The following DLGAP4 variants were observed in gnomAD, a reference collection of about 807,000 sequenced individuals.
DLGAP4 encodes disks large-associated protein 4.
A neutral mutation model predicts 86.9 loss-of-function variants in DLGAP4; 18 were observed. That is an observed-to-expected ratio of 0.21 (90% CI 0.14 to 0.31). The LOEUF (loss-of-function observed/expected upper bound fraction) is 0.31, where lower values mean the gene tolerates loss of function less well. Ranked by LOEUF, DLGAP4 falls within the 10% of genes least tolerant of loss-of-function variation. The probability of loss-of-function intolerance (pLI) is 1.00; values close to 1 mark genes in which losing one functional copy is unlikely to be tolerated. For synonymous variants in DLGAP4, 548 were observed against 574.3 expected, an observed-to-expected ratio of 0.95 and a Z score of 0.65; for missense variants, 1,085 against 1,362.6, an observed-to-expected ratio of 0.80 and a Z score of 3.21.
intron 7 of DLGAP4, among the ~76,000 whole-genome samples, chr20:36,464,405 C>CA (rs1474522905): frequency 6.6e-6 from 1 of 152,246 alleles, no homozygotes; most frequent in East Asian, 1.9e-4. Context: ...CCAAAAAATA[C>CA]AAAAATTAGC....
At chr20:36,357,140 C>T (rs2030356562) in intron 1 of DLGAP4, among the ~76,000 whole-genome samples, 1 of 152,188 alleles carries the variant, frequency 6.6e-6, no homozygotes, top group African/African-American at 2.4e-5. Flanking sequence ...GCAGGACCCT[C>T]GTGAGCGAGC....
At chr20:36,385,879 A>C (rs564915169) in intron 2 of DLGAP4, among the ~76,000 whole-genome samples, 2 of 152,200 alleles carry the variant, frequency 1.3e-5, no homozygotes, top group South Asian at 4.1e-4. Flanking sequence ...GGCCTAAGAG[A>C]TCTGCCTCCC....
chr20:36,352,117 C>T (rs1367310577), intron 1 of DLGAP4, among the ~76,000 whole-genome samples: 45 of 152,122 alleles, frequency 3.0e-4, no homozygotes, highest in Admixed American at 2.7e-3. Flanking sequence ...GTCCTGGCAG[C>T]GGAAACAGCA....
intron 11 of DLGAP4, among the ~76,000 whole-genome samples, chr20:36,525,228 AAAAAAAAAAAAAAAAAAAAAAAAAAAC>A (rs1487745514): frequency 3.0e-4 from 19 of 63,404 alleles, no homozygotes; most frequent in East Asian, 1.2e-3. Context: ...AAAAAAAAAA[AAAAAAAAAAAAAAAAAAAAAAAAAAAC>A]AAAGAAATCC....
At chr20:36,461,662 C>CCCCCCG in intron 7 of DLGAP4, 16 of 241,796 alleles carry the variant, frequency 6.6e-5, no homozygotes, top group Non-Finnish European at 8.7e-5. Context: ...GGGGCCGCCC[C>CCCCCCG]GCCCGGCCCG....
intron 12 of DLGAP4, among the ~76,000 whole-genome samples, chr20:36,526,466 A>T (rs2037770421): frequency 1.3e-5 from 2 of 151,978 alleles, no homozygotes; most frequent in East Asian, 1.9e-4. Context: ...TAGCCTGTAA[A>T]ATGGGACCTG....
At chr20:36,340,502 G>T (rs1362964382) in intron 1 of DLGAP4, among the ~76,000 whole-genome samples, 3 of 152,138 alleles carry the variant, frequency 2.0e-5, no homozygotes, top group Non-Finnish European at 4.4e-5. Flanking sequence ...TGCCACAATC[G>T]CCAGTCTGTC....
chr20:36,512,234 T>C (rs1249222804), intron 10 of DLGAP4, among the ~76,000 whole-genome samples: 1 of 151,820 alleles, frequency 6.6e-6, no homozygotes, highest in Non-Finnish European at 1.5e-5. Flanking sequence ...GTAATTTTAA[T>C]AGAGATGGAG....
In DLGAP4 at chr20:36,496,929, G is replaced by A; in HGVS notation, c.1873G>A (p.Gly625Arg). The A allele has an allele frequency of 3.7e-6, 6 of 1,614,162 alleles. No homozygotes were observed. The highest frequency in any genetic ancestry group is 4.2e-6 in the Non-Finnish European group (5 of 1,180,030). Residue 625 changes from glycine (G) to arginine (R), a missense_variant, in exon 8 of 13, where the codon GGA becomes AGA. Around this residue, in one of 2 missense-constraint regions of DLGAP4, gnomAD observed 1,082 missense variants for 1,344.1 expected, o/e 0.81. Coordinates refer to ENST00000339266, the MANE Select transcript of DLGAP4 (RefSeq NM_001365621.2). Reference protein sequence around the residue: ...STRPPSVTRGGVAPAPEAPEP... With the variant: ...STRPPSVTRGRVAPAPEAPEP... ...CCGACCGCCCAGCGTGACACGGGGT[G>A]GAGTCGCCCCAGCCCCTGAGGCCCC...
At chr20:36,381,283 G>A (rs1469966584) in intron 2 of DLGAP4, among the ~76,000 whole-genome samples, 1 of 152,230 alleles carries the variant, frequency 6.6e-6, no homozygotes, top group Non-Finnish European at 1.5e-5. Context: ...GGGAAGATGG[G>A]CAAGGAAACA....
At chr20:36,455,490 C>G (rs994857682) in intron 7 of DLGAP4, among the ~76,000 whole-genome samples, 1 of 152,164 alleles carries the variant, frequency 6.6e-6, no homozygotes, top group Non-Finnish European at 1.5e-5. Context: ...CACACTTGGG[C>G]TCACTCCCTG....
intron 1 of DLGAP4, among the ~76,000 whole-genome samples, chr20:36,338,246 C>T (rs1359996299): frequency 6.6e-6 from 1 of 152,168 alleles, no homozygotes; most frequent in Non-Finnish European, 1.5e-5. Context: ...GAGGGCCCAT[C>T]TGGAGGCTAC....
At chr20:36,340,892 T>C (rs545934400) in intron 1 of DLGAP4, among the ~76,000 whole-genome samples, 35 of 152,278 alleles carry the variant, frequency 2.3e-4, no homozygotes, top group Middle Eastern at 3.4e-3. Context: ...CTCGTAGCTT[T>C]GAGTCAGCCC....
intron 2 of DLGAP4, among the ~76,000 whole-genome samples, chr20:36,383,621 T>G (rs1303525705): frequency 6.6e-6 from 1 of 152,016 alleles, no homozygotes. Context: ...TCCAAGGAAC[T>G]TCACGGGGTG....
At chr20:36,514,462 G>T (rs1168821345) in intron 10 of DLGAP4, among the ~76,000 whole-genome samples, 1 of 152,150 alleles carries the variant, frequency 6.6e-6, no homozygotes, top group Non-Finnish European at 1.5e-5. Context: ...CCAGGCTGAA[G>T]TGCAGTGGTG....
At chr20:36,318,106 T>TCACACACACACACACA (rs1156543199) in intron 1 of DLGAP4, among the ~76,000 whole-genome samples, 17 of 139,150 alleles carry the variant, frequency 1.2e-4, no homozygotes, top group African/African-American at 4.2e-4. Flanking sequence ...ATGTGTCCTC[T>TCACACACACACACACA]CACACACACA....
intron 2 of DLGAP4, among the ~76,000 whole-genome samples, chr20:36,407,685 A>G (rs2032364754): frequency 2.0e-5 from 3 of 152,062 alleles, no homozygotes; most frequent in Admixed American, 2.0e-4. Context: ...CAGGTCAGGG[A>G]GGGCCTCTGG....
chr20:36,473,395 T>G (rs1333841984), intron 7 of DLGAP4, among the ~76,000 whole-genome samples: 2 of 152,152 alleles, frequency 1.3e-5, no homozygotes, highest in Non-Finnish European at 2.9e-5. Context: ...CTCATTTGTT[T>G]GTCAGCAGGA....
At chr20:36,476,494 A>T (rs930914031) in intron 7 of DLGAP4, among the ~76,000 whole-genome samples, 3 of 149,242 alleles carry the variant, frequency 2.0e-5, no homozygotes, top group African/African-American at 7.4e-5. Context: ...TGCCCGGCTA[A>T]TTTTTTATAT....
Sources: gnomAD v4.1 joint callset for allele counts (sites outside exome capture counted in the v4.1 genomes callset) on GRCh38, gnomAD v4.1.1 for gene constraint, gnomAD v4.1.1 regional missense constraint, MANE v1.5 for transcripts, NCBI Gene and HGNC (gene_info 2026-07-23, HGNC 2026-07-21) for gene names.